PDE3A: variants seen among roughly 807,000 people sequenced by gnomAD.
The protein encoded by PDE3A is phosphodiesterase 3A, also known as cGMP-inhibited 3',5'-cyclic phosphodiesterase 3A.
A neutral mutation model predicts 98.3 loss-of-function variants in PDE3A; 43 were observed. The observed-to-expected ratio is 0.44, with a 90% CI of 0.34 to 0.56. PDE3A has a LOEUF of 0.56. Ranked by LOEUF, PDE3A falls within the 20% of genes least tolerant of loss-of-function variation. The pLI, the probability that PDE3A is intolerant of heterozygous loss-of-function variation, is 0.01. For missense variants in PDE3A, 1,427 were observed against 1,440.7 expected (o/e 0.99, Z 0.15); for synonymous variants, 663 against 567.9 (o/e 1.17, Z -2.38).
chr12:20,510,518 AAG>A (rs1427921391), intron 1 of PDE3A, among the ~76,000 whole-genome samples: 3 of 152,098 alleles, frequency 2.0e-5, no homozygotes, highest in African/African-American at 7.2e-5. Flanking sequence ...TATTTGAAAA[AAG>A]AGAGGGACTT....
At chr12:20,548,374 A>G (rs542577322) in intron 1 of PDE3A, among the ~76,000 whole-genome samples, 2 of 152,252 alleles carry the variant, frequency 1.3e-5, no homozygotes, top group East Asian at 3.9e-4. Context: ...GCTTATTAAA[A>G]TGTCATTACC....
intron 15 of PDE3A, among the ~76,000 whole-genome samples, chr12:20,658,195 A>T (rs538715796): frequency 3.9e-5 from 6 of 152,306 alleles, no homozygotes; most frequent in Non-Finnish European, 7.4e-5. Context: ...TTAAATTTCA[A>T]TTGTATCTAC....
At chr12:20,578,525 C>T (rs1408537069) in intron 2 of PDE3A, among the ~76,000 whole-genome samples, 6 of 151,486 alleles carry the variant, frequency 4.0e-5, no homozygotes, top group Non-Finnish European at 5.9e-5. Flanking sequence ...CTCACTAATG[C>T]GCAGGTGGAA....
At chr12:20,402,911 T>C (rs1944159709) in intron 1 of PDE3A, among the ~76,000 whole-genome samples, 1 of 152,156 alleles carries the variant, frequency 6.6e-6, no homozygotes, top group South Asian at 2.1e-4. Context: ...AGATTATATT[T>C]AAAACTCAAA....
chr12:20,386,762 T>G (rs1414093500), intron 1 of PDE3A, among the ~76,000 whole-genome samples: 1 of 152,082 alleles, frequency 6.6e-6, no homozygotes, highest in African/African-American at 2.4e-5. Context: ...TGTTTTGCTA[T>G]GGAGAAGCTC....
chr12:20,629,893 C>G lies in PDE3A; in HGVS notation c.1541-15C>G, dbSNP rs770111533. ...AAGACATTTGTTTAGTTACTTAACT[C>G]TCATTCTTTCTCAGGTGCCCTCGCT... On this transcript the variant is annotated splice_polypyrimidine_tract_variant and intron_variant, in intron 5 of 15. Transcript: ENST00000359062. 3.8e-6 allele frequency: 6 copies of G among 1,592,120 alleles called. No homozygotes were observed. Among genetic ancestry groups the G allele is most frequent in the Non-Finnish European group, 5.2e-6 (6 of 1,160,180 alleles).
At chr12:20,589,995 GA>G (rs1943296700) in intron 2 of PDE3A, among the ~76,000 whole-genome samples, 1 of 151,882 alleles carries the variant, frequency 6.6e-6, no homozygotes, top group South Asian at 2.1e-4. Context: ...CAGATCTAGT[GA>G]AAAATCTTAT....
At chr12:20,540,368 A>G (rs1267813399) in intron 1 of PDE3A, among the ~76,000 whole-genome samples, 4 of 152,008 alleles carry the variant, frequency 2.6e-5, no homozygotes, top group Non-Finnish European at 4.4e-5. Context: ...ATCATTACAA[A>G]CTCAAGCGGA....
chr12:20,428,010 TCC>T, intron 1 of PDE3A, among the ~76,000 whole-genome samples: 1 of 152,012 alleles, frequency 6.6e-6, no homozygotes, highest in Non-Finnish European at 1.5e-5. Flanking sequence ...TCAGGAGTAA[TCC>T]CACATCGTTC....
At chr12:20,624,328 GA>G (rs1944207706) in intron 5 of PDE3A, among the ~76,000 whole-genome samples, 1 of 152,098 alleles carries the variant, frequency 6.6e-6, no homozygotes, top group Admixed American at 6.6e-5. Context: ...TAACCAACAT[GA>G]TAAGATCAAG....
chr12:20,386,020 TATATATATAAATATATATAAA>T (rs1565532357), intron 1 of PDE3A, among the ~76,000 whole-genome samples: 2 of 61,812 alleles, frequency 3.2e-5, no homozygotes, highest in Admixed American at 2.6e-4. Context: ...ATATATAAAA[TATATATATAAATATATATAAA>T]ATATATATAA....
chr12:20,411,200 G>C (rs1658810424), intron 1 of PDE3A, among the ~76,000 whole-genome samples: 1 of 152,104 alleles, frequency 6.6e-6, no homozygotes, highest in African/African-American at 2.4e-5. Flanking sequence ...ATGGTAATAA[G>C]TTAATTCACA....
intron 1 of PDE3A, among the ~76,000 whole-genome samples, chr12:20,446,377 CATT>C (rs1426836218): frequency 2.6e-5 from 4 of 152,132 alleles, no homozygotes; most frequent in African/African-American, 9.7e-5. Context: ...TGAGGGAAAA[CATT>C]ATTTTTCTGC....
intron 10 of PDE3A, 108 bp from the exon 11 acceptor site, chr12:20,646,381 TG>T (rs1944777439): frequency 1.5e-6 from 1 of 649,726 alleles, no homozygotes; most frequent in Non-Finnish European, 2.8e-6. Context: ...CCAACTTTCA[TG>T]GAAATAGTAA....
rs746487849 is a variant in PDE3A, at chr12:20,654,013, G to T, written c.2992G>T (p.Ala998Ser). 6 of 1,614,090 alleles carry T rather than the reference G, an allele frequency of 3.7e-6. No homozygotes were observed. The highest frequency in any genetic ancestry group is 5.1e-6 in the Non-Finnish European group (6 of 1,180,000). Reference protein sequence around the residue: ...PFMDRSAPQLANLQESFISHI... With the variant: ...PFMDRSAPQLSNLQESFISHI... ...CATGGATCGTTCTGCTCCTCAGCTGGCCAACCTTCAGGAATCCTTCATCTC... is the reference window on the plus strand; with the variant it reads ...CATGGATCGTTCTGCTCCTCAGCTGTCCAACCTTCAGGAATCCTTCATCTC... The change falls in exon 15 of 16, where the codon GCC (alanine) becomes TCC (serine). Residue 998 changes from alanine (A) to serine (S), a missense_variant. By Grantham distance (99) the Ala-to-Ser change is moderately conservative. Transcript: ENST00000359062.
intron 1 of PDE3A, among the ~76,000 whole-genome samples, chr12:20,401,020 T>C (rs1324118483): frequency 6.6e-6 from 1 of 152,224 alleles, no homozygotes; most frequent in East Asian, 1.9e-4. Flanking sequence ...GGTCCGGGTC[T>C]GTCTTGTGCT....
intron 1 of PDE3A, among the ~76,000 whole-genome samples, chr12:20,545,696 G>A (rs1942032436): frequency 6.7e-6 from 1 of 149,954 alleles, no homozygotes; most frequent in African/African-American, 2.4e-5. Flanking sequence ...GATCCTGGAG[G>A]AAAAGCTGGG....
At chr12:20,435,681 A>C (rs960550598) in intron 1 of PDE3A, among the ~76,000 whole-genome samples, 1 of 152,192 alleles carries the variant, frequency 6.6e-6, no homozygotes, top group Admixed American at 6.5e-5. Context: ...CTACTTTTCT[A>C]AAATGGTAAT....
chr12:20,667,347 G>C (rs560999425), intron 15 of PDE3A, among the ~76,000 whole-genome samples: 3 of 152,062 alleles, frequency 2.0e-5, no homozygotes, highest in Non-Finnish European at 2.9e-5. Flanking sequence ...AATAATCTTT[G>C]CTTAGGTCAA....
Sources: gnomAD v4.1 joint callset for allele counts (sites outside exome capture counted in the v4.1 genomes callset) on GRCh38, gnomAD v4.1.1 for gene constraint, MANE v1.5 for transcripts, NCBI Gene and HGNC (gene_info 2026-07-23, HGNC 2026-07-21) for gene names.